The following EHMT2 variants were observed in gnomAD, a reference collection of about 807,000 sequenced individuals.
EHMT2 encodes histone-lysine N-methyltransferase EHMT2.
Under a neutral mutation model 143.3 loss-of-function variants are expected in EHMT2, and 59 were observed. That is an observed-to-expected ratio of 0.41 (90% confidence interval 0.33 to 0.51). EHMT2 has a LOEUF of 0.51. Ranked by LOEUF, EHMT2 falls within the 20% of genes least tolerant of loss-of-function variation. The probability of loss-of-function intolerance (pLI) is 0.18; values close to 1 mark genes in which losing one functional copy is unlikely to be tolerated. For missense variants in EHMT2, 1,174 were observed against 1,645.9 expected, an observed-to-expected ratio of 0.71 and a Z score of 4.96; for synonymous variants, 604 against 651.5, an observed-to-expected ratio of 0.93 and a Z score of 1.11.
intron 7 of EHMT2, among the ~76,000 whole-genome samples, chr6:31,891,663 G>A (rs1248482575): frequency 6.6e-6 from 1 of 152,176 alleles, no homozygotes; most frequent in Admixed American, 6.5e-5. Context: ...AAATCAGAGA[G>A]ACTAAACATT....
At chr6:31,894,815 A>ATTG (rs921680969) in intron 4 of EHMT2, among the ~76,000 whole-genome samples, 7 of 150,704 alleles carry the variant, frequency 4.6e-5, no homozygotes, top group African/African-American at 1.5e-4. Flanking sequence ...CTAATTTATT[A>ATTG]TTATTATTAT....
chr6:31,887,143 T>C (rs774722015), intron 15 of EHMT2, 42 bp from the exon 16 acceptor site: 4 of 1,533,370 alleles, frequency 2.6e-6, no homozygotes, highest in South Asian at 2.4e-5. Flanking sequence ...GAGGGACAAG[T>C]GGTAAGCAAG....
At chr6:31,891,693 A>G (rs573179352) in intron 7 of EHMT2, among the ~76,000 whole-genome samples, 1 of 152,376 alleles carries the variant, frequency 6.6e-6, no homozygotes, top group South Asian at 2.1e-4. Flanking sequence ...AGGCAAACAT[A>G]TAAGATAAAA....
exon 14 of EHMT2, chr6:31,887,846 C>A: frequency 6.2e-7 from 1 of 1,610,754 alleles, no homozygotes; most frequent in Admixed American, 1.7e-5. Flanking sequence ...GGCAGCCCCA[C>A]GGCTGAAAGG....
chr6:31,892,391 A>G lies in EHMT2; in HGVS notation c.864+16T>C. On this transcript the variant is annotated intron_variant, in intron 7 of 27. Transcript: ENST00000375537. ...GGGGGAGCACCGGCGGGGAGGGCAGACCAGCTCTGTCTCACCTTGCTGTCG... is the reference window on the plus strand; with the variant it reads ...GGGGGAGCACCGGCGGGGAGGGCAGGCCAGCTCTGTCTCACCTTGCTGTCG... 2 of 1,610,698 alleles carry G rather than the reference A, an allele frequency of 1.2e-6. No homozygotes were observed. The highest frequency in any genetic ancestry group is 1.7e-6 in the Non-Finnish European group (2 of 1,178,290).
In EHMT2 at chr6:31,883,195, C is replaced by G. The variant is rs1317456363; in HGVS notation, c.2994+167G>C. ...TGCATAGACCTGGGCACACGCCCATCGCTGTCCCAGCCACATCCCAGGATT... is the reference window on the plus strand; with the variant it reads ...TGCATAGACCTGGGCACACGCCCATGGCTGTCCCAGCCACATCCCAGGATT... On this transcript the variant is annotated intron_variant, in intron 23 of 27. Coordinates refer to ENST00000375537, the Ensembl canonical transcript of EHMT2. The surrounding 1 kb of genome is among the most constrained non-coding windows in gnomAD (Gnocchi z 5.6). The G allele has an allele frequency of 4.6e-6, 4 of 868,528 alleles. No individual in the cohort carries two copies. The Admixed American group carries it at 6.6e-5, about 14-fold the overall frequency. The allele number at this position is 868,528 out of a possible 1,614,324, so 53.8% of individuals were successfully genotyped here. A position where few individuals can be genotyped will look rare whatever the true frequency, so the allele number is the denominator to read the frequency against.
At chr6:31,886,491 G>T in intron 18 of EHMT2, 90 bp downstream of exon 18, 1 of 1,103,838 alleles carries the variant, frequency 9.1e-7, no homozygotes, top group Non-Finnish European at 1.3e-6. Context: ...TGTGAGGTCA[G>T]ATGTAGGAAA....
At position 31,889,137 on chromosome 6, in the gene EHMT2, G is replaced by T; in HGVS notation, c.1115-67C>A. On this transcript the variant is annotated intron_variant, in intron 9 of 27. Transcript: ENST00000375537. This position sits in a 1 kb window ranked among gnomAD's most constrained non-coding sequence, Gnocchi z 5.1. ...TGCCTGGACGCGTGGGTACATGCAG[G>T]TGGACATGCGAGAGCGTGTGTGTGC... is the stretch of plus-strand genomic sequence containing the variant. 6.5e-7 allele frequency: 1 copy of T among 1,535,406 alleles called. No individual in the cohort carries two copies. Among genetic ancestry groups the T allele is most frequent in the Non-Finnish European group, 8.9e-7 (1 of 1,126,774 alleles).
chr6:31,879,968 G>A (rs1763882433), exon 28 of EHMT2: 2 of 1,176,166 alleles, frequency 1.7e-6, no homozygotes, highest in South Asian at 1.4e-5. Flanking sequence ...ATGTGTGAAA[G>A]GGTGGTGGGG....
chr6:31,884,218 A>G lies in EHMT2; in HGVS notation c.2771+174T>C. ...ATTCCAGTTTAACTGGGTGTCTTCT[A>G]TTTTTATTTGCTGTATCTGGCAACC... is the stretch of plus-strand genomic sequence containing the variant. On this transcript the variant is annotated intron_variant, in intron 21 of 27. Coordinates refer to ENST00000375537, the Ensembl canonical transcript of EHMT2. This position sits in a 1 kb window ranked among gnomAD's most constrained non-coding sequence, Gnocchi z 7.3. The G allele has an allele frequency of 2.6e-6, 2 of 782,290 alleles. No individual in the cohort carries two copies. Among genetic ancestry groups the G allele is most frequent in the South Asian group, 1.9e-5 (1 of 51,936 alleles). 48.5% of individuals were successfully genotyped at this position (782,290 alleles called of 1,614,324 possible).
At chr6:31,887,057 G>A (rs752095528) in exon 16 of EHMT2, 3 of 1,612,712 alleles carry the variant, frequency 1.9e-6, no homozygotes, top group Non-Finnish European at 2.5e-6. Context: ...AGGGGCGTGC[G>A]CTTGCTCTGC....
chr6:31,896,366 G>T, exon 4 of EHMT2: 1 of 1,613,008 alleles, frequency 6.2e-7, no homozygotes, highest in Non-Finnish European at 8.5e-7. Context: ...TGCTGCTGCA[G>T]CTCCCTGGGC....
chr6:31,896,565 A>G (rs755268519), intron 3 of EHMT2, 41 bp downstream of exon 3: 4 of 1,598,284 alleles, frequency 2.5e-6, no homozygotes, highest in African/African-American at 1.3e-5. Flanking sequence ...GGCAAGAGTC[A>G]GAAATTTCCC....
In EHMT2 at chr6:31,883,025, G is replaced by A; in HGVS notation, c.2995-16C>T. 2 of 1,608,764 alleles carry A rather than the reference G, an allele frequency of 1.2e-6. No homozygotes were observed. The highest frequency in any genetic ancestry group is 1.7e-6 in the Non-Finnish European group (2 of 1,176,792). The stretch of plus-strand genomic sequence containing the variant: ...ATCGCCCATCCTAGGGTGCGGAGGG[G>A]AGGATAGTGGTTTCTCTGTGGGGCC... On this transcript the variant is annotated splice_polypyrimidine_tract_variant and intron_variant, in intron 23 of 27. Transcript: ENST00000375537. The surrounding 1 kb of genome is among the most constrained non-coding windows in gnomAD (Gnocchi z 5.6).
intron 7 of EHMT2, among the ~76,000 whole-genome samples, chr6:31,891,855 C>T (rs984260524): frequency 6.6e-6 from 1 of 151,728 alleles, no homozygotes; most frequent in African/African-American, 2.4e-5. Context: ...GTTAAATGGT[C>T]ATTTCATTAG....
intron 7 of EHMT2, among the ~76,000 whole-genome samples, chr6:31,891,366 G>C (rs549167064): frequency 2.6e-5 from 4 of 152,316 alleles, no homozygotes; most frequent in African/African-American, 9.6e-5. Context: ...TAAGAAATCG[G>C]TAAGTTTTTT....
In EHMT2 at chr6:31,883,144, G is replaced by T; in HGVS notation, c.2995-135C>A. 1 of 879,024 alleles carries T rather than the reference G, an allele frequency of 1.1e-6. No individual in the cohort carries two copies. Among genetic ancestry groups the T allele is most frequent in the East Asian group, 2.6e-5 (1 of 37,886 alleles). The allele number at this position is 879,024 out of a possible 1,614,324, so 54.5% of individuals were successfully genotyped here. A position where few individuals can be genotyped will look rare whatever the true frequency, so the allele number is the denominator to read the frequency against. On this transcript the variant is annotated intron_variant, in intron 23 of 27. Coordinates refer to ENST00000375537, the Ensembl canonical transcript of EHMT2. This position sits in a 1 kb window ranked among gnomAD's most constrained non-coding sequence, Gnocchi z 5.6. Reference sequence around the variant, plus strand: ...CACAGGCTCTGAGATCCGAGAGCACGAAATGCAGGAGCATCATCCCTGGTT... The same window carrying T: ...CACAGGCTCTGAGATCCGAGAGCACTAAATGCAGGAGCATCATCCCTGGTT...
Position 31,884,231 on chromosome 6 carries a change from G to T in EHMT2, c.2771+161C>A. ...TGGGTGTCTTCTATTTTTATTTGCT[G>T]TATCTGGCAACCCTAGTGGGGAGGG... On this transcript the variant is annotated intron_variant, in intron 21 of 27. Coordinates refer to ENST00000375537, the Ensembl canonical transcript of EHMT2. The surrounding 1 kb of genome is among the most constrained non-coding windows in gnomAD (Gnocchi z 7.3). The T allele has an allele frequency of 1.2e-6, 1 of 842,854 alleles. No homozygotes were observed. Among genetic ancestry groups the T allele is most frequent in the Non-Finnish European group, 1.8e-6 (1 of 560,994 alleles). The allele number at this position is 842,854 out of a possible 1,614,324, so 52.2% of individuals were successfully genotyped here.
intron 7 of EHMT2, among the ~76,000 whole-genome samples, chr6:31,891,092 A>G (rs1374194209): frequency 6.6e-6 from 1 of 151,814 alleles, no homozygotes; most frequent in Admixed American, 6.6e-5. Flanking sequence ...ACAGGCACGT[A>G]CCACTACGTC....
Sources: gnomAD v4.1 joint callset for allele counts (sites outside exome capture counted in the v4.1 genomes callset) on GRCh38, gnomAD v4.1.1 for gene constraint, Gnocchi (gnomAD v3.1) non-coding constraint, MANE v1.5 for transcripts, NCBI Gene and HGNC (gene_info 2026-07-23, HGNC 2026-07-21) for gene names.